Variants in ERGIC1 observed in about 807,000 individuals in gnomAD.
The protein encoded by ERGIC1 is endoplasmic reticulum-Golgi intermediate compartment protein 1.
ERGIC1 carries 19 observed loss-of-function variants against 38.3 expected under a neutral mutation model. That is an observed-to-expected ratio of 0.50 (90% CI 0.35 to 0.73). The LOEUF (loss-of-function observed/expected upper bound fraction) is 0.73. Ranked by LOEUF, ERGIC1 falls within the 30% of genes least tolerant of loss-of-function variation. The pLI, the probability that ERGIC1 is intolerant of heterozygous loss-of-function variation, is 0.01. For missense variants in ERGIC1, 294 were observed against 389.2 expected, an observed-to-expected ratio of 0.76 and a Z score of 2.06; for synonymous variants, 124 against 157.6, an observed-to-expected ratio of 0.79 and a Z score of 1.60.
chr5:172,851,988 T>C (rs1411211384), intron 1 of ERGIC1, among the ~76,000 whole-genome samples: 1 of 151,966 alleles, frequency 6.6e-6, no homozygotes, highest in Non-Finnish European at 1.5e-5. Flanking sequence ...TTTCTAAAGG[T>C]TCCTGGAGAG....
intron 4 of ERGIC1, among the ~76,000 whole-genome samples, chr5:172,912,777 T>A (rs1407294590): frequency 6.7e-6 from 1 of 148,438 alleles, no homozygotes; most frequent in East Asian, 2.0e-4. Flanking sequence ...CTTTCTTTCT[T>A]TTTTTTTTTG....
At chr5:172,932,814 G>GA (rs3214437) in intron 8 of ERGIC1, 243,710 of 434,652 alleles carry the variant, frequency 0.56, 70,487 homozygotes, top group African/African-American at 0.64. Flanking sequence ...CAAAGGTCCT[G>GA]GGGTTGCAGG....
intron 1 of ERGIC1, among the ~76,000 whole-genome samples, chr5:172,870,291 C>A (rs1761966863): frequency 6.6e-6 from 1 of 152,126 alleles, no homozygotes; most frequent in Admixed American, 6.5e-5. Context: ...AACGGGCTGC[C>A]CTCGGACCCC....
chr5:172,886,121 G>A (rs759135560), intron 1 of ERGIC1, among the ~76,000 whole-genome samples: 4 of 151,570 alleles, frequency 2.6e-5, no homozygotes, highest in Non-Finnish European at 4.4e-5. Flanking sequence ...TAGACCGCCC[G>A]CCGGCCCCCA....
chr5:172,903,518 A>G (rs528749244), intron 3 of ERGIC1, among the ~76,000 whole-genome samples: 4 of 152,158 alleles, frequency 2.6e-5, no homozygotes, highest in Admixed American at 2.6e-4. Flanking sequence ...TCTTGGTCCT[A>G]TGATCTTGGC....
intron 7 of ERGIC1, among the ~76,000 whole-genome samples, chr5:172,930,253 T>A (rs1763747867): frequency 6.6e-6 from 1 of 151,996 alleles, no homozygotes; most frequent in Non-Finnish European, 1.5e-5. Context: ...TATAAACATG[T>A]CTGGCAGTTT....
chr5:172,910,649 C>T (rs778067377), intron 4 of ERGIC1, among the ~76,000 whole-genome samples: 3 of 151,884 alleles, frequency 2.0e-5, no homozygotes, highest in Admixed American at 6.6e-5. Context: ...CTCAGCCTCC[C>T]GAGTAGCTGG....
chr5:172,873,169 C>T (rs2113172494), intron 1 of ERGIC1, among the ~76,000 whole-genome samples: 1 of 152,340 alleles, frequency 6.6e-6, no homozygotes, highest in Non-Finnish European at 1.5e-5. Context: ...CATGCTCTGC[C>T]CCTCTAAGAA....
At chr5:172,861,489 A>G (rs1761697877) in intron 1 of ERGIC1, among the ~76,000 whole-genome samples, 1 of 152,192 alleles carries the variant, frequency 6.6e-6, no homozygotes, top group African/African-American at 2.4e-5. Context: ...AGTGCCATCA[A>G]TGGAGCCTGG....
At chr5:172,896,187 A>T (rs758238494) in intron 2 of ERGIC1, among the ~76,000 whole-genome samples, 45 of 152,014 alleles carry the variant, frequency 3.0e-4, no homozygotes, top group Non-Finnish European at 5.7e-4. Context: ...TACTAAAAAT[A>T]AAAAAATTAG....
At chr5:172,948,860 G>A (rs1180948025) in intron 9 of ERGIC1, among the ~76,000 whole-genome samples, 2 of 152,020 alleles carry the variant, frequency 1.3e-5, no homozygotes, top group African/African-American at 2.4e-5. Context: ...ACCAGCCTGG[G>A]CAACATAGCG....
chr5:172,888,934 C>CA (rs1224472333), intron 2 of ERGIC1, among the ~76,000 whole-genome samples, 174 bp downstream of exon 2: 1 of 152,206 alleles, frequency 6.6e-6, no homozygotes, highest in Non-Finnish European at 1.5e-5. Context: ...TCTCTATCCT[C>CA]ACTGTAACCC....
chr5:172,876,636 T>C (rs1270084806), intron 1 of ERGIC1, among the ~76,000 whole-genome samples: 1 of 152,206 alleles, frequency 6.6e-6, no homozygotes, highest in Admixed American at 6.5e-5. Context: ...AAGTGTACAA[T>C]GTGAAAAATT....
At chr5:172,881,169 C>G (rs1304642975) in intron 1 of ERGIC1, among the ~76,000 whole-genome samples, 1 of 152,140 alleles carries the variant, frequency 6.6e-6, no homozygotes, top group Non-Finnish European at 1.5e-5. Flanking sequence ...ATGGCTTGAA[C>G]CTCGGAGGCG....
At chr5:172,840,475 A>G (rs1294656086) in intron 1 of ERGIC1, among the ~76,000 whole-genome samples, 1 of 152,212 alleles carries the variant, frequency 6.6e-6, no homozygotes, top group Non-Finnish European at 1.5e-5. Context: ...CTGGCTGTAT[A>G]TTAAAGTCTC....
chr5:172,915,141 T>G (rs1561733913), intron 5 of ERGIC1: 1 of 668,958 alleles, frequency 1.5e-6, no homozygotes, highest in Non-Finnish European at 2.7e-6. Context: ...AAGTCCCAGC[T>G]CTACCCCTTC....
chr5:172,872,547 GC>G (rs1311027808), intron 1 of ERGIC1, among the ~76,000 whole-genome samples: 1 of 152,220 alleles, frequency 6.6e-6, no homozygotes, highest in Non-Finnish European at 1.5e-5. Context: ...AGGCTTGGTA[GC>G]TCACACCCGT....
At position 172,909,168 on chromosome 5, in the gene ERGIC1, C is replaced by CTTTTTTTTTTTTTTTTT. The variant is rs70984920; in HGVS notation, c.156-497_156-481dup. 1.9e-4 allele frequency among the ~76,000 whole-genome samples: 15 copies of CTTTTTTTTTTTTTTTTT among 80,840 alleles called. 1 individual carries two copies. Among genetic ancestry groups the CTTTTTTTTTTTTTTTTT allele is most frequent in the East Asian group, 3.0e-4 (1 of 3,344 alleles). The allele number at this position is 80,840 out of a possible 152,430, so 53.0% of individuals were successfully genotyped here. On this transcript the variant is annotated intron_variant, in intron 3 of 9. Coordinates refer to ENST00000393784, the MANE Select transcript of ERGIC1 (RefSeq NM_001031711.3). ...CTTTCCTGAGCCCCAGCCCTCCCCT[C>CTTTTTTTTTTTTTTTTT]TTTTTTTTTTTTTTTTTTGAGACGG...
chr5:172,921,687 C>T (rs1000532223), intron 5 of ERGIC1: 2 of 152,372 alleles, frequency 1.3e-5, no homozygotes, highest in African/African-American at 4.8e-5. Flanking sequence ...CCCAACTCCT[C>T]CCTTGTGCCT....
Sources: allele counts gnomAD v4.1 joint callset (sites outside exome capture counted in the v4.1 genomes callset), GRCh38; gene constraint gnomAD v4.1.1; transcripts MANE v1.5; gene names NCBI Gene and HGNC (gene_info 2026-07-23, HGNC 2026-07-21).